The following UBR4 variants were observed in gnomAD, a reference collection of about 807,000 sequenced individuals.
UBR4 encodes the protein E3 ubiquitin-protein ligase UBR4.
UBR4 carries 124 observed loss-of-function variants against 575.6 expected under a neutral mutation model. That is an observed-to-expected ratio of 0.22 (90% CI 0.19 to 0.25). UBR4 has a LOEUF of 0.25. UBR4 is among the 10% of genes least tolerant of loss of function. The pLI, the probability that UBR4 is intolerant of heterozygous loss-of-function variation, is 1.00. For missense variants in UBR4, 4,818 were observed against 6,478.8 expected (o/e 0.74, Z 8.80); for synonymous variants, 2,455 against 2,473.7 (o/e 0.99, Z 0.22).
chr1:19,190,312 A>AAAAAAAAAATAT, intron 11 of UBR4, among the ~76,000 whole-genome samples: 23 of 79,904 alleles, frequency 2.9e-4, no homozygotes, highest in Non-Finnish European at 4.1e-4. Context: ...AAAAAAAAAA[A>AAAAAAAAAATAT]ATATATATAT....
chr1:19,153,617 AG>A lies in UBR4; in HGVS notation c.6631-116del. On this transcript the variant is annotated intron_variant, in intron 45 of 105. Transcript: ENST00000375254. This position sits in a 1 kb window ranked among gnomAD's most constrained non-coding sequence, Gnocchi z 4.1. Reference sequence around the variant, plus strand: ...ATGGTCAGTTGAGGGGCTGTACAGAAGGGTGGCAAAGAAAAGGCATCTAGAA... The same window carrying A: ...ATGGTCAGTTGAGGGGCTGTACAGAAGGTGGCAAAGAAAAGGCATCTAGAA... 1 of 1,464,784 alleles carries A rather than the reference AG, an allele frequency of 6.8e-7. No homozygotes were observed. Among genetic ancestry groups the A allele is most frequent in the Non-Finnish European group, 9.3e-7 (1 of 1,074,826 alleles). 90.7% of individuals were successfully genotyped at this position (1,464,784 alleles called of 1,614,324 possible).
Position 19,104,166 on chromosome 1 carries a change from C to T in UBR4, c.12819G>A (p.Leu4273=). The change falls in exon 87 of 106, where the codon TTG becomes TTA. Residue 4273 remains leucine (L), a synonymous_variant. Coordinates refer to ENST00000375254, the MANE Select transcript of UBR4 (RefSeq NM_020765.3). ...VGTVLNGYLC[L]RKLVVQRTKL... is the part of the protein sequence containing the mutation. The stretch of plus-strand genomic sequence containing the variant: ...TGGTCCTCTGCACCACCAGCTTCCG[C>T]AAGCACAGGTATCCATTCAGCACAG... 6.2e-7 allele frequency: 1 copy of T among 1,614,236 alleles called. No individual in the cohort carries two copies. Among genetic ancestry groups the T allele is most frequent in the Non-Finnish European group, 8.5e-7 (1 of 1,180,040 alleles).
chr1:19,164,579 T>TA, intron 32 of UBR4, 138 bp from the exon 33 acceptor site: 1 of 1,160,468 alleles, frequency 8.6e-7, no homozygotes, highest in Non-Finnish European at 1.2e-6. Flanking sequence ...TAGTAGAGCA[T>TA]AAAACATTCA....
At position 19,167,717 on chromosome 1, in the gene UBR4, A is replaced by T. The variant is rs2088754694; in HGVS notation, c.3899+310T>A. Among the ~76,000 whole-genome samples, 3 of 152,198 alleles carry T rather than the reference A, an allele frequency of 2.0e-5. No homozygotes were observed. The South Asian group carries it at 6.2e-4, about 32-fold the overall frequency. On this transcript the variant is annotated intron_variant, in intron 28 of 105. Coordinates refer to ENST00000375254, the MANE Select transcript of UBR4 (RefSeq NM_020765.3). ...TTTATCCCACTATGATTCTGGAGAA[A>T]CGTTATCAAATAATCTGTCACTATC... is the stretch of plus-strand genomic sequence containing the variant.
intron 97 of UBR4, 40 bp downstream of exon 97, chr1:19,092,779 G>A (rs751097661): frequency 1.1e-5 from 16 of 1,517,362 alleles, no homozygotes; most frequent in African/African-American, 1.4e-5. Context: ...AGTTATACTT[G>A]TACCCCTGTA....
intron 1 of UBR4, among the ~76,000 whole-genome samples, chr1:19,206,479 CG>C (rs2093019864): frequency 6.6e-6 from 1 of 152,044 alleles, no homozygotes; most frequent in African/African-American, 2.4e-5. Flanking sequence ...GCATTACAGG[CG>C]CGCGCCACCA....
Position 19,164,328 on chromosome 1 carries a change from G to T in UBR4, c.4625C>A (p.Ala1542Asp), listed in dbSNP as rs773090530. Residue 1542 changes from alanine to aspartate, a missense_variant, in exon 33 of 106, where the codon GCC (alanine) becomes GAC (aspartate). Ala to Asp is a moderately radical substitution (Grantham distance 126, BLOSUM62 -2). This residue lies in a region of UBR4 where 1,172 missense variants were observed against 1,259.7 expected (regional missense o/e 0.93). Transcript: ENST00000375254. ...ACCTTGACCTGCACTGGCCAGAGTG[G>T]CCATCACAACCATAAGTTCAGGGAA... ...TGFPELMVVMATLASAGQGAG... is the reference protein window; with the variant it reads ...TGFPELMVVMDTLASAGQGAG... 9.9e-6 allele frequency: 16 copies of T among 1,614,178 alleles called. No homozygotes were observed. Among genetic ancestry groups the T allele is most frequent in the Admixed American group, 8.3e-5 (5 of 60,018 alleles).
chr1:19,086,876 G>A, intron 99 of UBR4, 55 bp from the exon 100 acceptor site: 5 of 1,601,910 alleles, frequency 3.1e-6, no homozygotes, highest in Non-Finnish European at 4.3e-6. Flanking sequence ...TCAGGCTCAG[G>A]AGAAGCAGAA....
At chr1:19,200,833 A>G (rs1312776619) in intron 2 of UBR4, among the ~76,000 whole-genome samples, 1 of 152,098 alleles carries the variant, frequency 6.6e-6, no homozygotes, top group African/African-American at 2.4e-5. Context: ...ATGTCCTTTC[A>G]GTTTACTTGC....
intron 65 of UBR4, 139 bp downstream of exon 65, chr1:19,124,402 G>T: frequency 8.6e-7 from 1 of 1,163,302 alleles, no homozygotes; most frequent in South Asian, 1.7e-5. Context: ...TTCCAGAAGG[G>T]CAAGACCAAG....
intron 50 of UBR4, 110 bp from the exon 51 acceptor site, chr1:19,148,237 T>C (rs544107101): frequency 1.5e-6 from 2 of 1,374,718 alleles, no homozygotes; most frequent in Non-Finnish European, 1.9e-6. Flanking sequence ...GGCTAGGTTA[T>C]GCTCCATGGA....
Position 19,121,299 on chromosome 1 carries a change from C to T in UBR4, c.10031G>A (p.Ser3344Asn). 1 of 1,614,202 alleles carries T rather than the reference C, an allele frequency of 6.2e-7. No individual in the cohort carries two copies. Among genetic ancestry groups the T allele is most frequent in the East Asian group, 2.2e-5 (1 of 44,884 alleles). The change falls in exon 68 of 106, where the codon AGT (serine) becomes AAT (asparagine). Residue 3344 changes from serine to asparagine, a missense_variant. By Grantham distance (46) the Ser-to-Asn change is conservative (BLOSUM62 1). Transcript: ENST00000375254. ...AALAASSGSS[S>N]ASSSSAPVAA... ...CACAGGGGCTGAGGAGGAAGAAGCACTGGAGGATCCCGAAGAGGCTGCCAG... is the reference window on the plus strand; with the variant it reads ...CACAGGGGCTGAGGAGGAAGAAGCATTGGAGGATCCCGAAGAGGCTGCCAG...
chr1:19,145,006 G>T, intron 53 of UBR4, 99 bp from the exon 54 acceptor site: 1 of 1,421,436 alleles, frequency 7.0e-7, no homozygotes, highest in South Asian at 1.3e-5. Context: ...CCATGTAAAA[G>T]GTCATGCAAA....
At chr1:19,166,918 C>G in intron 29 of UBR4, 104 bp downstream of exon 29, 1 of 1,325,350 alleles carries the variant, frequency 7.5e-7, no homozygotes, top group Non-Finnish European at 1.1e-6. Context: ...AAACCACACA[C>G]AAAAACAATA....
At position 19,145,866 on chromosome 1, in the gene UBR4, C is replaced by A; in HGVS notation, c.7872G>T (p.Gln2624His). 1 of 1,614,186 alleles carries A rather than the reference C, an allele frequency of 6.2e-7. No homozygotes were observed. Among genetic ancestry groups the A allele is most frequent in the South Asian group, 1.1e-5 (1 of 91,082 alleles). The part of the protein sequence containing the change: ...LEGDCCSFIT[Q>H]LVNHFWKLHA... ...GGAGTTTCCAGAAGTGGTTCACAAG[C>A]TGGGTGATGAAACTACAGCAATCTC... The change falls in exon 53 of 106, where the codon CAG becomes CAT. Residue 2624 changes from glutamine (Q) to histidine (H), a missense_variant. Gln to His is a conservative substitution (Grantham distance 24, BLOSUM62 0). Around this residue, in one of 29 missense-constraint regions of UBR4, gnomAD observed 340 missense variants for 375.4 expected, o/e 0.91. Coordinates refer to ENST00000375254, the MANE Select transcript of UBR4 (RefSeq NM_020765.3).
chr1:19,138,976 C>A, intron 59 of UBR4, 107 bp downstream of exon 59: 1 of 1,390,830 alleles, frequency 7.2e-7, no homozygotes, highest in South Asian at 1.7e-5. Context: ...TTCAATGAGT[C>A]TCTATACCTT....
At position 19,177,521 on chromosome 1, in the gene UBR4, A is replaced by G; in HGVS notation, c.2577T>C (p.Leu859=). Residue 859 remains leucine, a synonymous_variant, in exon 19 of 106, where the codon CTT becomes CTC. Transcript: ENST00000375254. The part of the protein sequence containing the change: ...RFVPLILARL[L]LIFDYLLHQY... Reference sequence around the variant, plus strand: ...GATGAAGCAGATAATCAAAGATGAGAAGGAGGCGAGCCAAGATAAGCGGCA... The same window carrying G: ...GATGAAGCAGATAATCAAAGATGAGGAGGAGGCGAGCCAAGATAAGCGGCA... 6.2e-7 allele frequency: 1 copy of G among 1,614,180 alleles called. No homozygotes were observed. Among genetic ancestry groups the G allele is most frequent in the Non-Finnish European group, 8.5e-7 (1 of 1,180,028 alleles).
chr1:19,175,069 A>C, intron 20 of UBR4, 36 bp from the exon 21 acceptor site: 1 of 1,571,418 alleles, frequency 6.4e-7, no homozygotes, highest in African/African-American at 1.4e-5. Context: ...GAATGGTTCC[A>C]TTCTTAACTC....
At chr1:19,128,088 T>G in intron 62 of UBR4, 123 bp downstream of exon 62, 2 of 935,422 alleles carry the variant, frequency 2.1e-6, no homozygotes. Flanking sequence ...CTCAACAGAA[T>G]GCAGCCCTCA....
Sources: gnomAD v4.1 joint callset for allele counts (sites outside exome capture counted in the v4.1 genomes callset) on GRCh38, gnomAD v4.1.1 for gene constraint, gnomAD v4.1.1 regional missense constraint, Gnocchi (gnomAD v3.1) non-coding constraint, MANE v1.5 for transcripts, NCBI Gene and HGNC (gene_info 2026-07-23, HGNC 2026-07-21) for gene names.